Variants in CDK6 observed in about 807,000 individuals in gnomAD.
The protein encoded by CDK6 is cyclin-dependent kinase 6.
A neutral mutation model predicts 37.1 loss-of-function variants in CDK6; 6 were observed. The observed-to-expected ratio is 0.16, with a 90% confidence interval of 0.09 to 0.32. The LOEUF (loss-of-function observed/expected upper bound fraction) is 0.32. Among genes scored for constraint, CDK6 ranks in the 10% least tolerant of loss-of-function variants. The pLI, the probability that CDK6 is intolerant of heterozygous loss-of-function variation, is 1.00. For missense variants in CDK6, 224 were observed against 418.9 expected (o/e 0.53, Z 4.06); for synonymous variants, 160 against 161.3 (o/e 0.99, Z 0.06).
intron 4 of CDK6, among the ~76,000 whole-genome samples, chr7:92,716,695 C>T (rs1262781781): frequency 6.6e-6 from 1 of 152,136 alleles, no homozygotes; most frequent in East Asian, 1.9e-4. Flanking sequence ...TTAAAGAGGA[C>T]ACAAAAATCC....
intron 3 of CDK6, among the ~76,000 whole-genome samples, chr7:92,762,570 CTT>C (rs34827459): frequency 5.7e-5 from 8 of 141,520 alleles, no homozygotes; most frequent in Admixed American, 1.4e-4. Context: ...CATAGAACAC[CTT>C]TTTTTTTTTT....
At chr7:92,709,287 A>G (rs953047038) in intron 4 of CDK6, among the ~76,000 whole-genome samples, 1 of 151,930 alleles carries the variant, frequency 6.6e-6, no homozygotes, top group Admixed American at 6.6e-5. Context: ...CAACCCACAT[A>G]CTTCTTGCTG....
At chr7:92,641,364 T>C (rs1307460289) in intron 5 of CDK6, among the ~76,000 whole-genome samples, 19 of 152,202 alleles carry the variant, frequency 1.2e-4, no homozygotes, top group Admixed American at 1.2e-3. Flanking sequence ...CATGGACTCA[T>C]GGATTTTAAT....
rs113497893 is a variant in CDK6 at position 92,739,689 on chromosome 7, C to T, written c.370-13896G>A. ...TGCCTGGATTACTACAATGGTGTTC[C>T]GACACAAAGAACTCCTGTCTTTAGA... On this transcript the variant is annotated intron_variant, in intron 3 of 7. Transcript: ENST00000424848. Among the ~76,000 whole-genome samples, 248 of 152,338 alleles carry T rather than the reference C, an allele frequency of 1.6e-3. 2 individuals are homozygous for T. Among genetic ancestry groups the T allele is most frequent in the East Asian group, 0.011 (56 of 5,192 alleles).
At chr7:92,786,254 C>A (rs1404801878) in intron 2 of CDK6, among the ~76,000 whole-genome samples, 1 of 152,178 alleles carries the variant, frequency 6.6e-6, no homozygotes, top group Non-Finnish European at 1.5e-5. Flanking sequence ...GAAAGCCAAC[C>A]AAGCTTTACC....
intron 2 of CDK6, among the ~76,000 whole-genome samples, chr7:92,799,070 T>A (rs536137464): frequency 6.6e-6 from 1 of 152,248 alleles, no homozygotes; most frequent in African/African-American, 2.4e-5. Flanking sequence ...TATTTCCTCA[T>A]AACAACAAAA....
At chr7:92,697,592 T>TG (rs1212966336) in intron 4 of CDK6, among the ~76,000 whole-genome samples, 1 of 152,174 alleles carries the variant, frequency 6.6e-6, no homozygotes, top group African/African-American at 2.4e-5. Context: ...AAGTAACCAC[T>TG]GAGTATGACA....
chr7:92,772,944 G>GT (rs996336369), intron 3 of CDK6, among the ~76,000 whole-genome samples: 22 of 151,112 alleles, frequency 1.5e-4, no homozygotes, highest in Non-Finnish European at 2.8e-4. Context: ...TCATCTGTCT[G>GT]TTTTTTTAAA....
chr7:92,645,023 G>A (rs1796411129), intron 5 of CDK6, among the ~76,000 whole-genome samples: 1 of 152,176 alleles, frequency 6.6e-6, no homozygotes, highest in Non-Finnish European at 1.5e-5. Context: ...CCATTTCATC[G>A]GGTTTGGCAT....
At chr7:92,639,487 C>A (rs1281202913) in intron 5 of CDK6, among the ~76,000 whole-genome samples, 1 of 152,192 alleles carries the variant, frequency 6.6e-6, no homozygotes, top group East Asian at 1.9e-4. Flanking sequence ...TACTGGACAG[C>A]ATGGCTTTGG....
intron 2 of CDK6, among the ~76,000 whole-genome samples, chr7:92,806,755 T>C (rs966090104): frequency 1.3e-5 from 2 of 152,188 alleles, no homozygotes; most frequent in Non-Finnish European, 2.9e-5. Flanking sequence ...AACAACTCCT[T>C]TGTTCACTCT....
chr7:92,714,157 A>G (rs1043890039), intron 4 of CDK6, among the ~76,000 whole-genome samples: 2 of 152,210 alleles, frequency 1.3e-5, no homozygotes, highest in African/African-American at 2.4e-5. Context: ...CAGGCAAATC[A>G]AAAGTGCACG....
chr7:92,766,125 C>A (rs1217559394), intron 3 of CDK6, among the ~76,000 whole-genome samples: 1 of 152,110 alleles, frequency 6.6e-6, no homozygotes, highest in African/African-American at 2.4e-5. Flanking sequence ...ACCACTGGAG[C>A]TAAGTTTTCA....
intron 3 of CDK6, among the ~76,000 whole-genome samples, chr7:92,748,015 T>C (rs1799100437): frequency 6.6e-6 from 1 of 152,228 alleles, no homozygotes; most frequent in Non-Finnish European, 1.5e-5. Context: ...AATGCGCAGA[T>C]GGTAATATAC....
In CDK6 at chr7:92,605,193, G is replaced by GA. The variant is rs1795398899; in HGVS notation, c.*9946dup. 1 of 233,060 alleles carries GA rather than the reference G, an allele frequency of 4.3e-6. No individual in the cohort carries two copies. The highest frequency in any genetic ancestry group is 8.5e-6 in the Non-Finnish European group (1 of 117,800). The allele number at this position is 233,060 out of a possible 1,614,324, so 14.4% of individuals were successfully genotyped here. A position where few individuals can be genotyped will look rare whatever the true frequency, so the allele number is the denominator to read the frequency against. ...ACAGTGATATTTCAACACCAATTTT[G>GA]AAAAAAACAATGAACTTCATCATCT... On this transcript the variant is annotated 3_prime_UTR_variant, in exon 8 of 8. Coordinates refer to ENST00000424848, the MANE Select transcript of CDK6 (RefSeq NM_001145306.2).
intron 5 of CDK6, among the ~76,000 whole-genome samples, chr7:92,628,678 T>C (rs918898560): frequency 4.6e-5 from 7 of 152,114 alleles, no homozygotes; most frequent in Non-Finnish European, 8.8e-5. Context: ...TATATACGAT[T>C]AGATGTATAC....
chr7:92,627,591 C>T (rs2040494), intron 5 of CDK6, among the ~76,000 whole-genome samples: 96,684 of 151,846 alleles, frequency 0.64, 32,136 homozygotes, highest in African/African-American at 0.81. Flanking sequence ...GAACTTTTTG[C>T]TGTTTATAAG....
chr7:92,673,531 TA>T (rs1797136015), intron 4 of CDK6, among the ~76,000 whole-genome samples: 1 of 152,154 alleles, frequency 6.6e-6, no homozygotes, highest in African/African-American at 2.4e-5. Flanking sequence ...GGCCCCAACA[TA>T]TCTTTCTATC....
intron 4 of CDK6, among the ~76,000 whole-genome samples, chr7:92,705,116 C>T (rs1030815742): frequency 6.6e-6 from 1 of 152,146 alleles, no homozygotes; most frequent in Non-Finnish European, 1.5e-5. Flanking sequence ...AATCTATGTA[C>T]TCGACATTCT....
Sources: gnomAD v4.1 joint callset for allele counts (sites outside exome capture counted in the v4.1 genomes callset) on GRCh38, gnomAD v4.1.1 for gene constraint, MANE v1.5 for transcripts, NCBI Gene and HGNC (gene_info 2026-07-23, HGNC 2026-07-21) for gene names.